The following KLK9 variants were observed in gnomAD, a reference collection of about 807,000 sequenced individuals.
The protein encoded by KLK9 is kallikrein-9.
KLK9 carries 26 observed loss-of-function variants against 23.3 expected under a neutral mutation model. The ratio of observed to expected loss-of-function variants is 1.12; its 90% confidence interval spans 0.82 to 1.55. The LOEUF (loss-of-function observed/expected upper bound fraction) is 1.55. KLK9 is among the 40% of genes most tolerant of loss of function. The pLI, the probability that KLK9 is intolerant of heterozygous loss-of-function variation, is 0.00. For missense variants in KLK9, 346 were observed against 333.7 expected, an observed-to-expected ratio of 1.04 and a Z score of -0.29; for synonymous variants, 122 against 128.5, an observed-to-expected ratio of 0.95 and a Z score of 0.34.
chr19:51,007,753 A>C (rs1460594434), intron 2 of KLK9, among the ~76,000 whole-genome samples: 1 of 152,042 alleles, frequency 6.6e-6, no homozygotes, highest in Non-Finnish European at 1.5e-5. Context: ...GAAAATTGGA[A>C]CAGTATGGAT....
chr19:51,006,771 C>T lies in KLK9; in HGVS notation c.201-48G>A, dbSNP rs756969681. 6.6e-6 allele frequency: 10 copies of T among 1,503,766 alleles called. No homozygotes were observed. In the South Asian group the frequency reaches 1.1e-4, roughly 16 times the overall value. The allele number at this position is 1,503,766 out of a possible 1,614,324, so 93.2% of individuals were successfully genotyped here. On this transcript the variant is annotated intron_variant, in intron 2 of 4. Coordinates refer to ENST00000594211, the MANE Select transcript of KLK9 (RefSeq NM_012315.2). The surrounding 1 kb of genome is among the most constrained non-coding windows in gnomAD (Gnocchi z 4.1). ...TCAAGCTGGGGGAAAGGTAAAAGTC[C>T]TTTCAGCCCCAGCCCTCTTTTCCTG...
rs2569478 is a variant in KLK9, at chr19:51,006,822, T to C, written c.201-99A>G. ...TCCATCAGGGTGCTGTGTGACCCTC[T>C]GCAAGCCACACACCCTCTCTGCACC... On this transcript the variant is annotated intron_variant, in intron 2 of 4. Coordinates refer to ENST00000594211, the MANE Select transcript of KLK9 (RefSeq NM_012315.2). This position sits in a 1 kb window ranked among gnomAD's most constrained non-coding sequence, Gnocchi z 4.1. 0.46 allele frequency: 613,262 copies of C among 1,321,918 alleles called. 152,848 individuals carry two copies. The highest frequency in any genetic ancestry group is 0.9 in the African/African-American group (60,810 of 67,738). 81.9% of individuals were successfully genotyped at this position (1,321,918 alleles called of 1,614,324 possible).
Position 51,002,509 on chromosome 19 carries a change from A to G in KLK9, c.*602T>C, listed in dbSNP as rs1272056012. 1 of 152,320 alleles carries G rather than the reference A, an allele frequency of 6.6e-6. No homozygotes were observed. Among genetic ancestry groups the G allele is most frequent in the African/African-American group, 2.4e-5 (1 of 41,448 alleles). The allele number at this position is 152,320 out of a possible 1,614,324, so 9.4% of individuals were successfully genotyped here. ...CTCATCTCACAGCTCAGGCAGAAAG[A>G]AGGTGAGGTTTCCCGCGTTTACTGA... On this transcript the variant is annotated 3_prime_UTR_variant, in exon 5 of 5. Transcript: ENST00000594211.
intron 3 of KLK9, among the ~76,000 whole-genome samples, chr19:51,004,703 T>TAAAAAA (rs35720453): frequency 1.6e-5 from 2 of 126,248 alleles, no homozygotes; most frequent in African/African-American, 5.9e-5. Flanking sequence ...CTCAGTCTCT[T>TAAAAAA]AAAAAAAAAA....
chr19:51,008,337 C>CAAAAAAAAAAAAA (rs34275672), intron 2 of KLK9, among the ~76,000 whole-genome samples: 3 of 71,732 alleles, frequency 4.2e-5, no homozygotes, highest in South Asian at 6.4e-4. Flanking sequence ...GACTCTGTCT[C>CAAAAAAAAAAAAA]AAAAAAAAAA....
chr19:51,002,813 C>G lies in KLK9; in HGVS notation c.*298G>C. 3.1e-6 allele frequency: 1 copy of G among 321,432 alleles called. No individual in the cohort carries two copies. Among genetic ancestry groups the G allele is most frequent in the South Asian group, 1.2e-4 (1 of 8,682 alleles). 19.9% of individuals were successfully genotyped at this position (321,432 alleles called of 1,614,324 possible). A position where few individuals can be genotyped will look rare whatever the true frequency, so the allele number is the denominator to read the frequency against. ...GCGGAGCTATTTTGTGTAAGTGGTT[C>G]CTTGGGGCGGAGCCACAGGCTGTGC... On this transcript the variant is annotated 3_prime_UTR_variant, in exon 5 of 5. Coordinates refer to ENST00000594211, the MANE Select transcript of KLK9 (RefSeq NM_012315.2).
chr19:51,004,592 CGGGAGGCTGAGGCAGGA>C (rs891881299), intron 3 of KLK9, among the ~76,000 whole-genome samples: 10 of 149,842 alleles, frequency 6.7e-5, no homozygotes, highest in Non-Finnish European at 1.2e-4. Context: ...CCCAGCTACT[CGGGAGGCTGAGGCAGGA>C]GGATCACTTA....
rs751123063 is a variant in KLK9, at chr19:51,009,377, G to A, written c.44-38C>T. On this transcript the variant is annotated intron_variant, in intron 1 of 4. Transcript: ENST00000594211. This position sits in a 1 kb window ranked among gnomAD's most constrained non-coding sequence, Gnocchi z 4.8. The stretch of plus-strand genomic sequence containing the variant: ...TGAGGGACAAAGGGGTCAGCGAAGA[G>A]CAGGCTGGGAGGGCAGGGAGAGGAT... 1.7e-5 allele frequency: 26 copies of A among 1,553,422 alleles called. No individual in the cohort carries two copies. The Admixed American group carries it at 4.7e-4, about 28-fold the overall frequency.
chr19:51,003,095 C>G lies in KLK9; in HGVS notation c.*16G>C, dbSNP rs200979706. On this transcript the variant is annotated 3_prime_UTR_variant, in exon 5 of 5. Transcript: ENST00000594211. ...GCCTCTCTTGGTCTTCCAAGGTGCC[C>G]CCGTGGCGCGCGGGCTCAGTTCTCC... is the stretch of plus-strand genomic sequence containing the variant. 6.3e-7 allele frequency: 1 copy of G among 1,599,480 alleles called. No individual in the cohort carries two copies. Among genetic ancestry groups the G allele is most frequent in the Non-Finnish European group, 8.5e-7 (1 of 1,171,490 alleles).
intron 3 of KLK9, among the ~76,000 whole-genome samples, chr19:51,005,210 G>A (rs2091251121): frequency 6.6e-6 from 1 of 152,132 alleles, no homozygotes; most frequent in South Asian, 2.1e-4. Flanking sequence ...TGGCTAATGG[G>A]TCAGTGATCC....
chr19:51,005,789 A>G (rs1369634973), intron 3 of KLK9, among the ~76,000 whole-genome samples: 2 of 151,596 alleles, frequency 1.3e-5, no homozygotes, highest in African/African-American at 2.4e-5. Flanking sequence ...AAAAAAGACT[A>G]GAATTTTGGC....
At position 51,003,633 on chromosome 19, in the gene KLK9, G is replaced by A. The variant is rs1568558199; in HGVS notation, c.603+71C>T. On this transcript the variant is annotated intron_variant, in intron 4 of 4. Transcript: ENST00000594211. ...TTTTGACCCAGGAAGGCTGGGGGCC[G>A]ACCCCTCTGCTCCCCTAAATCCTAG... 2.2e-6 allele frequency: 3 copies of A among 1,365,490 alleles called. No homozygotes were observed. In the African/African-American group the frequency reaches 4.4e-5, roughly 20 times the overall value. 84.6% of individuals were successfully genotyped at this position (1,365,490 alleles called of 1,614,324 possible). A position where few individuals can be genotyped will look rare whatever the true frequency, so the allele number is the denominator to read the frequency against.
intron 3 of KLK9, 102 bp from the exon 4 acceptor site, chr19:51,003,942 A>G: frequency 1.1e-6 from 1 of 893,112 alleles, no homozygotes; most frequent in South Asian, 1.5e-5. Context: ...GGACCAATGG[A>G]GCCACATTTA....
chr19:51,007,453 C>T (rs537406327), intron 2 of KLK9, among the ~76,000 whole-genome samples: 1 of 151,966 alleles, frequency 6.6e-6, no homozygotes, highest in East Asian at 1.9e-4. Context: ...GAACCAGAAA[C>T]ATCTGTGTCT....
Position 51,006,481 on chromosome 19 carries a change from C to A in KLK9, c.443G>T (p.Trp148Leu). Residue 148 changes from tryptophan (W) to leucine (L), a missense_variant, in exon 3 of 5, where the codon TGG (tryptophan) becomes TTG (leucine). Transcript: ENST00000594211. The surrounding 1 kb of genome is among the most constrained non-coding windows in gnomAD (Gnocchi z 4.1). ...SPGMQCLISG[W>L]GAVSSPKALF... is the part of the protein sequence containing the mutation. ...ACCCTTGGGGCTGGACACGGCCCCC[C>A]AGCCTGAGATGAGACACTGCATGCC... 1 of 1,612,164 alleles carries A rather than the reference C, an allele frequency of 6.2e-7. No individual in the cohort carries two copies. The highest frequency in any genetic ancestry group is 8.5e-7 in the Non-Finnish European group (1 of 1,178,912).
At chr19:51,007,806 G>T (rs1242849530) in intron 2 of KLK9, among the ~76,000 whole-genome samples, 1 of 152,032 alleles carries the variant, frequency 6.6e-6, no homozygotes, top group Non-Finnish European at 1.5e-5. Context: ...CCTGCATCAG[G>T]TGGATTCCAG....
chr19:51,008,548 G>T (rs1048458019), intron 2 of KLK9, among the ~76,000 whole-genome samples: 13 of 152,016 alleles, frequency 8.6e-5, no homozygotes, highest in African/African-American at 3.1e-4. Context: ...AAGATTCTAG[G>T]ATCACACTAG....
intron 2 of KLK9, among the ~76,000 whole-genome samples, chr19:51,007,938 A>C (rs552313480): frequency 6.6e-6 from 1 of 152,176 alleles, no homozygotes; most frequent in Non-Finnish European, 1.5e-5. Flanking sequence ...AGATTCTAAC[A>C]TTCCAGATTC....
In KLK9 at chr19:51,003,840, G is replaced by A. The variant is rs776087775; in HGVS notation, c.467C>T (p.Ala156Val). ...ACACTGCAGTGTGACTGGAAACAGC[G>A]CTGTCAGGGAAGAGAACTGTCAAGG... Reference protein sequence around the residue: ...SGWGAVSSPKALFPVTLQCAN... With the variant: ...SGWGAVSSPKVLFPVTLQCAN... Residue 156 changes from alanine (A) to valine (V), a missense_variant and splice_region_variant, in exon 4 of 5, where the codon GCG becomes GTG. Transcript: ENST00000594211. 6 of 1,613,442 alleles carry A rather than the reference G, an allele frequency of 3.7e-6. No homozygotes were observed. In the African/African-American group the frequency reaches 4.0e-5, roughly 11 times the overall value.
Sources: gnomAD v4.1 joint callset for allele counts (sites outside exome capture counted in the v4.1 genomes callset) on GRCh38, gnomAD v4.1.1 for gene constraint, Gnocchi (gnomAD v3.1) non-coding constraint, MANE v1.5 for transcripts, NCBI Gene and HGNC (gene_info 2026-07-23, HGNC 2026-07-21) for gene names.